ROBO2: variants seen among roughly 807,000 people sequenced by gnomAD.
ROBO2 encodes roundabout homolog 2.
In ROBO2, 53 loss-of-function variants were observed where a neutral mutation model predicts 160.8. The observed-to-expected ratio is 0.33, with a 90% CI of 0.26 to 0.41. The LOEUF (loss-of-function observed/expected upper bound fraction) is 0.41. ROBO2 is among the 10% of genes least tolerant of loss of function. The pLI, the probability that ROBO2 is intolerant of heterozygous loss-of-function variation, is 1.00. For missense variants in ROBO2, 1,577 were observed against 1,722.4 expected, an observed-to-expected ratio of 0.92 and a Z score of 1.49; for synonymous variants, 664 against 611.7, an observed-to-expected ratio of 1.09 and a Z score of -1.26.
At chr3:76,155,808 CG>C (rs2106880612) in intron 2 of ROBO2, among the ~76,000 whole-genome samples, 1 of 152,212 alleles carries the variant, frequency 6.6e-6, no homozygotes, top group Non-Finnish European at 1.5e-5. Context: ...TCCTCTGAAA[CG>C]TTAACAAAGA....
chr3:76,493,964 G>T (rs776922289), intron 2 of ROBO2, among the ~76,000 whole-genome samples: 3 of 152,046 alleles, frequency 2.0e-5, no homozygotes, highest in African/African-American at 7.2e-5. Context: ...TTTAAAGTAC[G>T]TCCATAAGAT....
intron 2 of ROBO2, among the ~76,000 whole-genome samples, chr3:77,142,721 C>T (rs1228341504): frequency 5.3e-5 from 8 of 152,054 alleles, no homozygotes; most frequent in African/African-American, 9.7e-5. Flanking sequence ...ATTACTTCTG[C>T]ATCTGTCTTT....
chr3:76,888,675 G>C (rs71322777), intron 2 of ROBO2, among the ~76,000 whole-genome samples: 27,604 of 151,966 alleles, frequency 0.18, 2,634 homozygotes, highest in South Asian at 0.23. Context: ...TACCATTGAT[G>C]AATCACCATC....
intron 23 of ROBO2, chr3:77,631,380 T>C (rs2095158860): frequency 6.6e-6 from 1 of 152,168 alleles, no homozygotes; most frequent in African/African-American, 2.4e-5. Context: ...CAGAAAAAAA[T>C]TAAATGGTCT....
chr3:76,688,627 GCA>G (rs1560379877), intron 2 of ROBO2, among the ~76,000 whole-genome samples: 2 of 151,426 alleles, frequency 1.3e-5, no homozygotes, highest in African/African-American at 4.9e-5. Context: ...GTGTGTGTGT[GCA>G]TGCAAGAAAC....
At chr3:77,561,314 T>C (rs192027643) in intron 9 of ROBO2, among the ~76,000 whole-genome samples, 2 of 152,280 alleles carry the variant, frequency 1.3e-5, no homozygotes, top group Non-Finnish European at 2.9e-5. Flanking sequence ...AGAATATTAA[T>C]TCTACATCTT....
At chr3:77,289,805 A>C (rs1160832032) in intron 2 of ROBO2, among the ~76,000 whole-genome samples, 1 of 152,110 alleles carries the variant, frequency 6.6e-6, no homozygotes, top group African/African-American at 2.4e-5. Flanking sequence ...ATCACCAAAG[A>C]CATAAAGTAA....
chr3:77,636,762 C>G (rs980164379), intron 24 of ROBO2, among the ~76,000 whole-genome samples: 8 of 152,158 alleles, frequency 5.3e-5, no homozygotes, highest in African/African-American at 1.9e-4. Context: ...CATTTGAATA[C>G]TTGCTTAAAC....
intron 2 of ROBO2, among the ~76,000 whole-genome samples, chr3:77,431,008 A>G (rs1210949817): frequency 1.3e-5 from 2 of 152,178 alleles, no homozygotes; most frequent in African/African-American, 4.8e-5. Flanking sequence ...ATTAAATTTT[A>G]TATGTGATCT....
intron 2 of ROBO2, among the ~76,000 whole-genome samples, chr3:76,847,868 C>G (rs1318049573): frequency 6.6e-6 from 1 of 151,838 alleles, no homozygotes; most frequent in African/African-American, 2.4e-5. Flanking sequence ...ACATTATATC[C>G]TTTTTTCTTA....
At chr3:77,491,196 C>T (rs2086063134) in intron 4 of ROBO2, among the ~76,000 whole-genome samples, 1 of 152,236 alleles carries the variant, frequency 6.6e-6, no homozygotes, top group East Asian at 1.9e-4. Context: ...GGAGTGGGTG[C>T]ATTAACATGT....
intron 2 of ROBO2, among the ~76,000 whole-genome samples, chr3:77,420,268 T>C (rs896532239): frequency 6.8e-6 from 1 of 147,570 alleles, no homozygotes; most frequent in Non-Finnish European, 1.5e-5. Flanking sequence ...TTTTTTTTTT[T>C]AAATCAAATA....
At chr3:77,017,251 G>A (rs2062327070) in intron 2 of ROBO2, among the ~76,000 whole-genome samples, 1 of 151,920 alleles carries the variant, frequency 6.6e-6, no homozygotes, top group African/African-American at 2.4e-5. Flanking sequence ...TCAGTCTTTG[G>A]GTCTGTGACC....
chr3:77,200,267 TTATATATATA>T (rs144644165), intron 2 of ROBO2, among the ~76,000 whole-genome samples: 473 of 46,458 alleles, frequency 0.01, 4 homozygotes, highest in Non-Finnish European at 0.012. Flanking sequence ...CTAACATATT[TTATATATATA>T]TATATATATA....
At chr3:77,378,810 A>G in intron 2 of ROBO2, among the ~76,000 whole-genome samples, 1 of 152,148 alleles carries the variant, frequency 6.6e-6, no homozygotes, top group East Asian at 1.9e-4. Context: ...TTCTGCATAG[A>G]TGCCCGAAAA....
Position 76,834,790 on chromosome 3 carries a change from C to G in ROBO2, c.110-263224C>G, listed in dbSNP as rs568126082. ...GAATTTAAGGAGTAAATAGCTATAG[C>G]ACATCTATATAGATATAGACATGCA... On this transcript the variant is annotated intron_variant, in intron 2 of 26. Coordinates refer to the ROBO2 transcript ENST00000487694. 2.6e-5 allele frequency among the ~76,000 whole-genome samples: 4 copies of G among 152,260 alleles called. No individual in the cohort carries two copies. The South Asian group carries it at 8.3e-4, about 32-fold the overall frequency.
intron 2 of ROBO2, among the ~76,000 whole-genome samples, chr3:77,161,736 T>C (rs1480243015): frequency 1.3e-5 from 2 of 152,260 alleles, no homozygotes; most frequent in Middle Eastern, 3.4e-3. Context: ...ATACGTTTTT[T>C]TTTTCTTAGC....
At chr3:76,860,023 T>G (rs1222814092) in intron 2 of ROBO2, among the ~76,000 whole-genome samples, 2 of 152,236 alleles carry the variant, frequency 1.3e-5, no homozygotes, top group Non-Finnish European at 2.9e-5. Flanking sequence ...AATCATTACC[T>G]ACCTTTGTGT....
At chr3:76,079,702 T>A (rs958386261) in intron 2 of ROBO2, among the ~76,000 whole-genome samples, 1 of 151,994 alleles carries the variant, frequency 6.6e-6, no homozygotes, top group African/African-American at 2.4e-5. Flanking sequence ...CCCAGGCTGG[T>A]CTCGAACTCC....
Sources: allele counts gnomAD v4.1 joint callset (sites outside exome capture counted in the v4.1 genomes callset), GRCh38; gene constraint gnomAD v4.1.1; transcripts MANE v1.5; gene names NCBI Gene and HGNC (gene_info 2026-07-23, HGNC 2026-07-21).